The following GRM5 variants were observed in gnomAD, a reference collection of about 807,000 sequenced individuals.
GRM5 encodes metabotropic glutamate receptor 5.
In GRM5, 19 loss-of-function variants were observed where a neutral mutation model predicts 83.1. That is an observed-to-expected ratio of 0.23 (90% confidence interval 0.16 to 0.34). GRM5 has a LOEUF of 0.34. Ranked by LOEUF, GRM5 falls within the 10% of genes least tolerant of loss-of-function variation. The pLI is 1.00. For missense variants in GRM5, 1,160 were observed against 1,588.3 expected, an observed-to-expected ratio of 0.73 and a Z score of 4.58; for synonymous variants, 675 against 633.6, an observed-to-expected ratio of 1.07 and a Z score of -0.98.
At position 88,834,185 on chromosome 11, in the gene GRM5, C is replaced by T. The variant is rs181969770; in HGVS notation, c.911+15721G>A. ...GATACTGTAAATACCCTAACCCTAA[C>T]ATGATCATTACTCATTCTGACTGTA... On this transcript the variant is annotated intron_variant, in intron 3 of 9. Transcript: ENST00000305447. Among the ~76,000 whole-genome samples, 6 of 152,178 alleles carry T rather than the reference C, an allele frequency of 3.9e-5. No homozygotes were observed. The East Asian group carries it at 1.2e-3, about 29-fold the overall frequency.
intron 2 of GRM5, among the ~76,000 whole-genome samples, chr11:89,013,338 G>T (rs1373376109): frequency 1.3e-5 from 2 of 152,090 alleles, no homozygotes; most frequent in African/African-American, 4.8e-5. Context: ...GTCTTTATGA[G>T]AATATTAGAA....
intron 3 of GRM5, among the ~76,000 whole-genome samples, chr11:88,785,096 G>A (rs2126738): frequency 0.72 from 109,889 of 151,852 alleles, 40,185 homozygotes; most frequent in African/African-American, 0.75. Flanking sequence ...ACCTCTTAAA[G>A]TATTCCAAAT....
intron 3 of GRM5, among the ~76,000 whole-genome samples, chr11:88,765,287 A>G (rs990149016): frequency 2.0e-5 from 3 of 151,310 alleles, no homozygotes; most frequent in African/African-American, 7.3e-5. Context: ...TGATAGCTTC[A>G]TGAGTGAATT....
At chr11:88,539,298 G>A (rs978291034) in intron 8 of GRM5, among the ~76,000 whole-genome samples, 9 of 152,286 alleles carry the variant, frequency 5.9e-5, no homozygotes, top group East Asian at 1.9e-4. Flanking sequence ...CCAAGTGGAA[G>A]GAACTTTAGG....
At chr11:88,630,538 T>TAC (rs1324098801) in intron 4 of GRM5, among the ~76,000 whole-genome samples, 777 of 75,782 alleles carry the variant, frequency 0.01, 12 homozygotes, top group African/African-American at 0.038. Context: ...ACTAATGTAA[T>TAC]ACACACACAC....
intron 3 of GRM5, among the ~76,000 whole-genome samples, chr11:88,693,030 T>A (rs74940006): frequency 0.012 from 1,856 of 152,094 alleles, 30 homozygotes; most frequent in African/African-American, 0.042. Context: ...GAAAATGGAG[T>A]TTGTATCTCC....
intron 3 of GRM5, among the ~76,000 whole-genome samples, chr11:88,800,986 T>C (rs1943382107): frequency 6.6e-6 from 1 of 152,120 alleles, no homozygotes; most frequent in African/African-American, 2.4e-5. Flanking sequence ...TAAAATAAAA[T>C]ATATAGGATT....
chr11:88,727,205 C>A (rs1425617061), intron 3 of GRM5, among the ~76,000 whole-genome samples: 1 of 152,040 alleles, frequency 6.6e-6, no homozygotes, highest in Non-Finnish European at 1.5e-5. Flanking sequence ...ATCTACCAAG[C>A]AAATGGAAAA....
At chr11:88,897,348 A>G (rs752053216) in intron 2 of GRM5, among the ~76,000 whole-genome samples, 14 of 151,940 alleles carry the variant, frequency 9.2e-5, no homozygotes, top group Non-Finnish European at 1.9e-4. Context: ...AGGACAGCCC[A>G]ATATTTCCCC....
chr11:89,046,685 G>A (rs1211489492), intron 2 of GRM5, among the ~76,000 whole-genome samples: 2 of 151,930 alleles, frequency 1.3e-5, no homozygotes, highest in Non-Finnish European at 2.9e-5. Flanking sequence ...TCTCCATTTT[G>A]GATTTGACCA....
chr11:88,955,634 G>A (rs148727181), intron 2 of GRM5, among the ~76,000 whole-genome samples: 103 of 151,780 alleles, frequency 6.8e-4, no homozygotes, highest in Middle Eastern at 3.4e-3. Flanking sequence ...ACCTTGTTCC[G>A]TCCTTGTCCC....
chr11:88,720,323 C>T lies in GRM5; in HGVS notation c.912-66920G>A, dbSNP rs570389388. ...AGCTTTGAGGGGAAAGTGTTTATAC[C>T]TATGACTGAGTGCAGATATGTTTTC... On this transcript the variant is annotated intron_variant, in intron 3 of 9. Transcript: ENST00000305447. Among the ~76,000 whole-genome samples, 155 of 137,108 alleles carry T rather than the reference C, an allele frequency of 1.1e-3. 1 individual carries two copies. Among genetic ancestry groups the T allele is most frequent in the African/African-American group, 4.0e-3 (151 of 37,616 alleles). The allele number at this position is 137,108 out of a possible 152,430, so 89.9% of individuals were successfully genotyped here. A position where few individuals can be genotyped will look rare whatever the true frequency, so the allele number is the denominator to read the frequency against.
intron 4 of GRM5, among the ~76,000 whole-genome samples, chr11:88,610,927 A>G (rs1938295149): frequency 6.6e-6 from 1 of 152,154 alleles, no homozygotes; most frequent in African/African-American, 2.4e-5. Flanking sequence ...TTTTAACATG[A>G]AGGGATATTG....
intron 9 of GRM5, among the ~76,000 whole-genome samples, chr11:88,521,417 G>A (rs78566678): frequency 0.16 from 23,769 of 151,892 alleles, 2,100 homozygotes; most frequent in African/African-American, 0.21. Flanking sequence ...CTCTGACTGA[G>A]AAAAAAGCAA....
At chr11:88,973,671 C>A (rs1372157344) in intron 2 of GRM5, among the ~76,000 whole-genome samples, 1 of 152,118 alleles carries the variant, frequency 6.6e-6, no homozygotes, top group Non-Finnish European at 1.5e-5. Flanking sequence ...TCTCCAGAAC[C>A]ATGAAAGAAT....
chr11:88,727,169 G>C (rs968422401), intron 3 of GRM5, among the ~76,000 whole-genome samples: 1 of 152,158 alleles, frequency 6.6e-6, no homozygotes, highest in African/African-American at 2.4e-5. Context: ...GACGCACATA[G>C]GCTCAAAATA....
In GRM5 at chr11:88,508,213, A is replaced by G. The variant is rs1941231950; in HGVS notation, c.*379T>C. 1 of 160,534 alleles carries G rather than the reference A, an allele frequency of 6.2e-6. No individual in the cohort carries two copies. Among genetic ancestry groups the G allele is most frequent in the Admixed American group, 6.5e-5 (1 of 15,482 alleles). 9.9% of individuals were successfully genotyped at this position (160,534 alleles called of 1,614,324 possible). On this transcript the variant is annotated 3_prime_UTR_variant, in exon 10 of 10. Coordinates refer to ENST00000305447, the MANE Select transcript of GRM5 (RefSeq NM_001143831.3). This position sits in a 1 kb window ranked among gnomAD's most constrained non-coding sequence, Gnocchi z 4.2. ...CTGGGAAAAGAATTAAAGTAAACAA[A>G]TAAAACTTTTTACAGTTGCTTATTA...
chr11:88,628,995 C>A (rs187690317), intron 4 of GRM5, among the ~76,000 whole-genome samples: 42 of 152,260 alleles, frequency 2.8e-4, no homozygotes, highest in Non-Finnish European at 5.9e-4. Context: ...AGCTCATATT[C>A]TATCAACTAA....
At chr11:88,783,948 G>A (rs1010564020) in intron 3 of GRM5, among the ~76,000 whole-genome samples, 1 of 151,944 alleles carries the variant, frequency 6.6e-6, no homozygotes, top group African/African-American at 2.4e-5. Flanking sequence ...GTACAAAGAA[G>A]AAAAAATAAT....
Sources: allele counts gnomAD v4.1 joint callset (sites outside exome capture counted in the v4.1 genomes callset), GRCh38; gene constraint gnomAD v4.1.1; non-coding constraint Gnocchi (gnomAD v3.1); transcripts MANE v1.5; gene names NCBI Gene and HGNC (gene_info 2026-07-23, HGNC 2026-07-21).